Variants in LOC400499 observed in about 807,000 individuals in gnomAD.
chr16:11,428,458 G>A, the LOC400499 span, among the ~76,000 whole-genome samples: 1 of 152,148 alleles, frequency 6.6e-6, no homozygotes, highest in African/African-American at 2.4e-5. Flanking sequence ...ACAGGCGTGA[G>A]CCACCGCGGC....
chr16:11,461,022 C>G, the LOC400499 span: 42 of 1,535,998 alleles, frequency 2.7e-5, no homozygotes, highest in African/African-American at 5.5e-5. Context: ...GTTGCTGCAG[C>G]AGGCCAAGGG....
At chr16:11,430,426 G>A in the LOC400499 span, among the ~76,000 whole-genome samples, 1 of 152,156 alleles carries the variant, frequency 6.6e-6, no homozygotes, top group Non-Finnish European at 1.5e-5. Context: ...GGAGGCGGAG[G>A]TTGCAGTGAG....
chr16:11,416,125 T>C, the LOC400499 span, among the ~76,000 whole-genome samples: 1 of 151,964 alleles, frequency 6.6e-6, no homozygotes, highest in Non-Finnish European at 1.5e-5. Flanking sequence ...TCAGCTAATA[T>C]TTTTTGTAGA....
At chr16:11,487,419 G>A in the LOC400499 span, 1 of 398,704 alleles carries the variant, frequency 2.5e-6, no homozygotes, top group Non-Finnish European at 4.4e-6. Flanking sequence ...AGTACACTCT[G>A]TACACTCACA....
the LOC400499 span, among the ~76,000 whole-genome samples, chr16:11,429,886 G>T: frequency 6.6e-6 from 1 of 152,142 alleles, no homozygotes. Context: ...AACTAGGAGG[G>T]TCACAATTCC....
At chr16:11,430,932 A>G in the LOC400499 span, 2 of 397,804 alleles carry the variant, frequency 5.0e-6, no homozygotes, top group African/African-American at 4.1e-5. Flanking sequence ...CCAGTGTGAG[A>G]TGCTGGAGTT....
chr16:11,504,556 C>CG, the LOC400499 span, among the ~76,000 whole-genome samples: 1 of 150,424 alleles, frequency 6.6e-6, no homozygotes, highest in Non-Finnish European at 1.5e-5. Context: ...ACTCCGTCCC[C>CG]CCCCCCAAAA....
the LOC400499 span, among the ~76,000 whole-genome samples, chr16:11,517,080 G>C: frequency 2.0e-5 from 3 of 152,110 alleles, no homozygotes; most frequent in East Asian, 5.8e-4. Flanking sequence ...ATGCCCTCCA[G>C]GGAGTTTCAT....
the LOC400499 span, among the ~76,000 whole-genome samples, chr16:11,497,195 G>T: frequency 1.1e-3 from 161 of 152,320 alleles, 1 homozygote; most frequent in African/African-American, 3.8e-3. Flanking sequence ...GCCTGCTTCA[G>T]TGTGTGTGGG....
the LOC400499 span, among the ~76,000 whole-genome samples, chr16:11,408,457 T>G: frequency 1.3e-5 from 2 of 150,582 alleles, no homozygotes; most frequent in African/African-American, 4.9e-5. Context: ...CAGGATTTTT[T>G]TTTTTTTTTT....
chr16:11,427,350 C>CAAAA, the LOC400499 span, among the ~76,000 whole-genome samples: 3 of 38,842 alleles, frequency 7.7e-5, 1 homozygote, highest in African/African-American at 1.2e-4. Context: ...CTCCATCTCA[C>CAAAA]AAAAAAAAAA....
At chr16:11,386,649 T>TA in the LOC400499 span, among the ~76,000 whole-genome samples, 1 of 152,152 alleles carries the variant, frequency 6.6e-6, no homozygotes, top group African/African-American at 2.4e-5. Context: ...GTGGAGCAAA[T>TA]AGAGTCCCAC....
the LOC400499 span, among the ~76,000 whole-genome samples, chr16:11,506,295 G>A: frequency 6.6e-6 from 1 of 152,176 alleles, no homozygotes; most frequent in South Asian, 2.1e-4. Context: ...AAAGTGCTGG[G>A]ATTATAGGCA....
the LOC400499 span, among the ~76,000 whole-genome samples, chr16:11,506,376 C>T: frequency 3.3e-5 from 5 of 152,304 alleles, no homozygotes; most frequent in South Asian, 1.0e-3. Flanking sequence ...GTGGGACATC[C>T]GGAAGTCTAC....
the LOC400499 span, among the ~76,000 whole-genome samples, chr16:11,376,576 C>T: frequency 1.3e-5 from 2 of 152,214 alleles, no homozygotes; most frequent in Non-Finnish European, 2.9e-5. Context: ...GCCAGTACCA[C>T]ACTTTTGACC....
chr16:11,488,706 T>C, the LOC400499 span: 21 of 398,830 alleles, frequency 5.3e-5, no homozygotes, highest in Non-Finnish European at 9.3e-5. Context: ...AGGATGGCCA[T>C]ACCTGATCGG....
the LOC400499 span, among the ~76,000 whole-genome samples, chr16:11,506,077 C>A: frequency 6.6e-6 from 1 of 152,128 alleles, no homozygotes; most frequent in Non-Finnish European, 1.5e-5. Context: ...ACTCTTGTCA[C>A]CCAGGCTGGA....
chr16:11,428,603 T>C, the LOC400499 span, among the ~76,000 whole-genome samples: 1 of 152,184 alleles, frequency 6.6e-6, no homozygotes, highest in Non-Finnish European at 1.5e-5. Flanking sequence ...CATCTTGGTT[T>C]TGGTGGCATT....
the LOC400499 span, chr16:11,391,848 C>G: frequency 8.1e-7 from 1 of 1,230,808 alleles, no homozygotes; most frequent in African/African-American, 1.5e-5. Context: ...GTCCAGGGTG[C>G]CTGCCGGCTG....
Sources: allele counts gnomAD v4.1 joint callset (sites outside exome capture counted in the v4.1 genomes callset), GRCh38; gene constraint gnomAD v4.1.1; transcripts MANE v1.5.